CIT: variants seen among roughly 807,000 people sequenced by gnomAD.
The protein encoded by CIT is citron Rho-interacting kinase.
In CIT, 79 loss-of-function variants were observed where a neutral mutation model predicts 272.7. That is an observed-to-expected ratio of 0.29 (90% CI 0.24 to 0.35). The LOEUF is 0.35. CIT is among the 10% of genes least tolerant of loss of function. The pLI is 1.00. For missense variants in CIT, 1,909 were observed against 2,618.3 expected (o/e 0.73, Z 5.91); for synonymous variants, 948 against 995.6 (o/e 0.95, Z 0.90).
At chr12:119,730,107 G>A (rs79142070) in intron 27 of CIT, among the ~76,000 whole-genome samples, 1,846 of 152,228 alleles carry the variant, frequency 0.012, 39 homozygotes, top group African/African-American at 0.043. Context: ...GCCTATTACT[G>A]CAGCAATTGG....
intron 39 of CIT, among the ~76,000 whole-genome samples, 165 bp from the exon 40 acceptor site, chr12:119,708,483 A>AT (rs952221650): frequency 2.8e-4 from 42 of 148,118 alleles, no homozygotes; most frequent in East Asian, 5.9e-4. Flanking sequence ...TGATTTATTT[A>AT]TTTTTTTTTT....
intron 28 of CIT, among the ~76,000 whole-genome samples, chr12:119,723,048 C>T (rs959176175): frequency 1.4e-4 from 20 of 147,386 alleles, no homozygotes; most frequent in African/African-American, 4.3e-4. Flanking sequence ...GAGCAAGACC[C>T]TGTCTCTAAA....
In CIT at chr12:119,776,663, G is replaced by T; in HGVS notation, c.1836+9C>A. 6.2e-7 allele frequency: 1 copy of T among 1,611,712 alleles called. No individual in the cohort carries two copies. Reference sequence around the variant, plus strand: ...CCAAAAAGCACCCTCCTGGAGGGTGGCTGACTACCTTCAACAGTTTATGCT... The same window carrying T: ...CCAAAAAGCACCCTCCTGGAGGGTGTCTGACTACCTTCAACAGTTTATGCT... On this transcript the variant is annotated intron_variant, in intron 14 of 47. Transcript: ENST00000392521.
At position 119,718,845 on chromosome 12, in the gene CIT, C is replaced by T. The variant is rs750567021; in HGVS notation, c.3857G>A (p.Arg1286Gln). The change falls in exon 31 of 48, where the codon CGG becomes CAG. Residue 1286 changes from arginine (R) to glutamine (Q), a missense_variant. Physicochemically the swap from Arg to Gln is conservative, Grantham distance 43. This residue lies in a region of CIT where 780 missense variants were observed against 1,067.2 expected (regional missense o/e 0.73). Coordinates refer to ENST00000392521, the MANE Select transcript of CIT (RefSeq NM_001206999.2). This position sits in a 1 kb window ranked among gnomAD's most constrained non-coding sequence, Gnocchi z 4.8. ...AKKKKGLFSRRKEDPALPTQV... is the reference protein window; with the variant it reads ...AKKKKGLFSRQKEDPALPTQV... ...TGTGGGTAAAGCAGGGTCCTCTTTC[C>T]GTCGACTAAATAAACCCTAGCAATG... is the stretch of plus-strand genomic sequence containing the variant. The T allele has an allele frequency of 1.2e-5, 19 of 1,613,952 alleles. No individual in the cohort carries two copies. In the East Asian group the frequency reaches 2.2e-4, roughly 19 times the overall value.
chr12:119,767,929 T>A (rs886383358), intron 18 of CIT, among the ~76,000 whole-genome samples: 42 of 151,034 alleles, frequency 2.8e-4, no homozygotes, highest in Admixed American at 2.3e-3. Flanking sequence ...TTTTTTTTTT[T>A]AGACGGATTT....
In CIT at chr12:119,698,063, T is replaced by G. The variant is rs765523938; in HGVS notation, c.5624-9A>C. 1 of 1,613,474 alleles carries G rather than the reference T, an allele frequency of 6.2e-7. No homozygotes were observed. Among genetic ancestry groups the G allele is most frequent in the East Asian group, 2.2e-5 (1 of 44,884 alleles). ...ATAGGGTTCTCTGTAGGCTGTGTGATCACCATGCAGGCACAGTGTGGGCCA... is the reference window on the plus strand; with the variant it reads ...ATAGGGTTCTCTGTAGGCTGTGTGAGCACCATGCAGGCACAGTGTGGGCCA... On this transcript the variant is annotated splice_polypyrimidine_tract_variant and intron_variant, in intron 44 of 47. Coordinates refer to ENST00000392521, the MANE Select transcript of CIT (RefSeq NM_001206999.2).
At chr12:119,872,787 T>C (rs535867972) in intron 2 of CIT, among the ~76,000 whole-genome samples, 4 of 152,214 alleles carry the variant, frequency 2.6e-5, no homozygotes, top group South Asian at 4.2e-4. Flanking sequence ...TGTCTATATC[T>C]GTTGCCTCCT....
At chr12:119,748,812 G>A (rs1331224561) in intron 23 of CIT, among the ~76,000 whole-genome samples, 4 of 152,206 alleles carry the variant, frequency 2.6e-5, no homozygotes, top group Non-Finnish European at 5.9e-5. Context: ...CACAAAATGT[G>A]TTCATGAGGC....
Position 119,854,759 on chromosome 12 carries a change from A to C in CIT, c.414+2764T>G, listed in dbSNP as rs367731259. Among the ~76,000 whole-genome samples the C allele has an allele frequency of 4.0e-4, 60 of 150,212 alleles. No homozygotes were observed. In the East Asian group the frequency reaches 0.01, roughly 26 times the overall value. ...AGGTCAGGAGTTCGAGACCAGCCTG[A>C]CCAACATGGTGAAACCCCCCCTCTG... On this transcript the variant is annotated intron_variant, in intron 4 of 47. Transcript: ENST00000392521.
At chr12:119,810,232 C>A (rs568691448) in intron 9 of CIT, among the ~76,000 whole-genome samples, 21 of 152,212 alleles carry the variant, frequency 1.4e-4, no homozygotes, top group Middle Eastern at 6.8e-3. Flanking sequence ...TATCTCCAGG[C>A]GGATAGTGCC....
intron 4 of CIT, among the ~76,000 whole-genome samples, chr12:119,851,346 T>C (rs1970211920): frequency 6.6e-6 from 1 of 152,174 alleles, no homozygotes; most frequent in Admixed American, 6.5e-5. Flanking sequence ...TGCTGTCCAC[T>C]GAAAGGGGTC....
intron 23 of CIT, among the ~76,000 whole-genome samples, chr12:119,747,612 C>T (rs558394485): frequency 1.8e-4 from 27 of 151,080 alleles, no homozygotes; most frequent in Non-Finnish European, 4.0e-4. Flanking sequence ...CCCAGCTACT[C>T]GGGAGGCTGA....
intron 46 of CIT, among the ~76,000 whole-genome samples, chr12:119,692,000 G>GCAATTA (rs1301035466): frequency 6.6e-6 from 1 of 152,152 alleles, no homozygotes; most frequent in Admixed American, 6.5e-5. Flanking sequence ...AAATTACAAT[G>GCAATTA]CAATTACATG....
intron 23 of CIT, chr12:119,742,665 A>C (rs1235886324): frequency 2.1e-6 from 1 of 486,698 alleles, no homozygotes; most frequent in Non-Finnish European, 3.6e-6. Context: ...TGTTAATAAC[A>C]ATTAATTCTT....
At chr12:119,698,075 C>T in intron 44 of CIT, 21 bp from the exon 45 acceptor site, 1 of 1,607,064 alleles carries the variant, frequency 6.2e-7, no homozygotes, top group African/African-American at 1.3e-5. Context: ...ACCATGCAGG[C>T]ACAGTGTGGG....
At chr12:119,737,016 C>T (rs1003253868) in intron 24 of CIT, among the ~76,000 whole-genome samples, 2 of 152,166 alleles carry the variant, frequency 1.3e-5, no homozygotes, top group Admixed American at 6.5e-5. Flanking sequence ...ACTATATTTA[C>T]TCATCTGCTT....
chr12:119,797,854 C>T (rs1450594223), intron 10 of CIT, among the ~76,000 whole-genome samples: 2 of 152,114 alleles, frequency 1.3e-5, no homozygotes, highest in African/African-American at 2.4e-5. Context: ...AACAAAAGTA[C>T]AAAATGTAGA....
Position 119,688,394 on chromosome 12 carries a change from C to A in CIT, c.6187-139G>T. 3.7e-6 allele frequency: 3 copies of A among 818,298 alleles called. No individual in the cohort carries two copies. In the South Asian group the frequency reaches 4.6e-5, roughly 13 times the overall value. The allele number at this position is 818,298 out of a possible 1,614,324, so 50.7% of individuals were successfully genotyped here. A position where few individuals can be genotyped will look rare whatever the true frequency, so the allele number is the denominator to read the frequency against. On this transcript the variant is annotated intron_variant, in intron 47 of 47. Coordinates refer to ENST00000392521, the MANE Select transcript of CIT (RefSeq NM_001206999.2). ...GCAGTGAGTGCTTGGCAGGGCAGCA[C>A]CCGCTCCAGAGCCTGGGGAAGCCAG...
intron 23 of CIT, among the ~76,000 whole-genome samples, chr12:119,744,330 A>C (rs1157472547): frequency 6.6e-6 from 1 of 152,054 alleles, no homozygotes; most frequent in Non-Finnish European, 1.5e-5. Flanking sequence ...CCATCTGCTT[A>C]TGTATGAAAA....
Sources: allele counts gnomAD v4.1 joint callset (sites outside exome capture counted in the v4.1 genomes callset), GRCh38; gene constraint gnomAD v4.1.1; regional missense constraint gnomAD v4.1.1; non-coding constraint Gnocchi (gnomAD v3.1); transcripts MANE v1.5; gene names NCBI Gene and HGNC (gene_info 2026-07-23, HGNC 2026-07-21).